The following RNF185 variants were observed in gnomAD, a reference collection of about 807,000 sequenced individuals.
RNF185 encodes the protein ring finger protein 185, also known as E3 ubiquitin-protein ligase RNF185.
In RNF185, 13 loss-of-function variants were observed where a neutral mutation model predicts 24.9. That is an observed-to-expected ratio of 0.52 (90% CI 0.34 to 0.83). The LOEUF (loss-of-function observed/expected upper bound fraction) is 0.83. Ranked by LOEUF, RNF185 falls within the 40% of genes least tolerant of loss-of-function variation. The pLI is 0.01. For synonymous variants in RNF185, 79 were observed against 90.3 expected, an observed-to-expected ratio of 0.88 and a Z score of 0.71; for missense variants, 184 against 244.7, an observed-to-expected ratio of 0.75 and a Z score of 1.65.
At chr22:31,185,411 G>C (rs2048089313) in intron 1 of RNF185, among the ~76,000 whole-genome samples, 1 of 152,124 alleles carries the variant, frequency 6.6e-6, no homozygotes, top group African/African-American at 2.4e-5. Flanking sequence ...CTGACATCAG[G>C]GTGACCTTCT....
intron 3 of RNF185, among the ~76,000 whole-genome samples, chr22:31,195,056 G>A (rs1305496250): frequency 7.2e-5 from 11 of 152,002 alleles, no homozygotes; most frequent in East Asian, 3.9e-4. Flanking sequence ...GGGTTCAAGC[G>A]ATTCTCCTCC....
At chr22:31,179,819 G>A (rs1020947476) in intron 1 of RNF185, among the ~76,000 whole-genome samples, 6 of 152,178 alleles carry the variant, frequency 3.9e-5, no homozygotes, top group Admixed American at 6.5e-5. Context: ...TTGGGTCCAC[G>A]AAGTGGGGTG....
At chr22:31,164,971 C>T (rs147131606) in intron 1 of RNF185, among the ~76,000 whole-genome samples, 5 of 151,694 alleles carry the variant, frequency 3.3e-5, no homozygotes, top group Non-Finnish European at 5.9e-5. Flanking sequence ...AGTGCAGTGG[C>T]GCAATCTTGG....
intron 1 of RNF185, among the ~76,000 whole-genome samples, chr22:31,168,863 G>A (rs1924100788): frequency 6.6e-6 from 1 of 152,080 alleles, no homozygotes; most frequent in African/African-American, 2.4e-5. Flanking sequence ...CTTCTTTGAA[G>A]AAATGTCTCT....
chr22:31,174,379 A>AT (rs11293209), intron 1 of RNF185, among the ~76,000 whole-genome samples: 1 of 150,382 alleles, frequency 6.6e-6, no homozygotes, highest in African/African-American at 2.5e-5. Context: ...TTTAAAAAAA[A>AT]TTTTTTTTTT....
intron 1 of RNF185, among the ~76,000 whole-genome samples, chr22:31,162,369 T>C (rs1411558843): frequency 6.6e-6 from 1 of 152,232 alleles, no homozygotes; most frequent in Non-Finnish European, 1.5e-5. Flanking sequence ...AAGTTTCCTT[T>C]TAAAGAAGTG....
At chr22:31,198,704 CTTTTTTTTT>C (rs1196076379) in intron 5 of RNF185, among the ~76,000 whole-genome samples, 8 of 69,678 alleles carry the variant, frequency 1.1e-4, no homozygotes, top group South Asian at 5.6e-4. Flanking sequence ...CTGCCACTTT[CTTTTTTTTT>C]TTTTTTTTTT....
chr22:31,161,876 C>CTT lies in RNF185; in HGVS notation c.-49+1590_-49+1591dup, dbSNP rs35063806. Among the ~76,000 whole-genome samples, 370 of 127,780 alleles carry CTT rather than the reference C, an allele frequency of 2.9e-3. 3 individuals are homozygous for CTT. Among genetic ancestry groups the CTT allele is most frequent in the Middle Eastern group, 4.3e-3 (1 of 232 alleles). The allele number at this position is 127,780 out of a possible 152,430, so 83.8% of individuals were successfully genotyped here. On this transcript the variant is annotated intron_variant, in intron 1 of 6. Transcript: ENST00000326132. ...AGTTCACACACATGACAAGTTCCAG[C>CTT]TTTTTTTTTTTTTTTTTTGAGTATT...
chr22:31,197,985 A>G (rs1277719570), intron 5 of RNF185, among the ~76,000 whole-genome samples: 1 of 152,170 alleles, frequency 6.6e-6, no homozygotes, highest in African/African-American at 2.4e-5. Flanking sequence ...TTTTTTGCAT[A>G]TTTACATCAA....
intron 1 of RNF185, among the ~76,000 whole-genome samples, chr22:31,168,379 T>G (rs1489305482): frequency 2.0e-5 from 3 of 152,346 alleles, no homozygotes; most frequent in Non-Finnish European, 2.9e-5. Flanking sequence ...TGAGGTTCAT[T>G]TATGTTGTAG....
At chr22:31,167,511 A>G (rs1272264117) in intron 1 of RNF185, among the ~76,000 whole-genome samples, 1 of 151,334 alleles carries the variant, frequency 6.6e-6, no homozygotes, top group Non-Finnish European at 1.5e-5. Flanking sequence ...TCCACTTTCT[A>G]TCTGTATGAA....
chr22:31,190,338 G>GT, intron 2 of RNF185, among the ~76,000 whole-genome samples: 1 of 152,126 alleles, frequency 6.6e-6, no homozygotes, highest in Non-Finnish European at 1.5e-5. Flanking sequence ...CCAGGCTGGA[G>GT]TGCAGTGGCG....
intron 1 of RNF185, among the ~76,000 whole-genome samples, chr22:31,176,014 T>G (rs1426556232): frequency 6.6e-6 from 1 of 152,130 alleles, no homozygotes; most frequent in East Asian, 1.9e-4. Flanking sequence ...CCTCCCATCT[T>G]GGCCTCCCAA....
intron 5 of RNF185, among the ~76,000 whole-genome samples, chr22:31,200,709 G>A (rs574443825): frequency 1.1e-4 from 17 of 152,336 alleles, no homozygotes; most frequent in African/African-American, 4.1e-4. Flanking sequence ...AGGTAAAGTG[G>A]AGTGGCTGCG....
chr22:31,163,242 A>C (rs969914382), intron 1 of RNF185, among the ~76,000 whole-genome samples: 1 of 152,196 alleles, frequency 6.6e-6, no homozygotes. Context: ...ATTACTTCCC[A>C]TAAAAACCAT....
rs972768546 is a variant in RNF185 at position 31,187,271 on chromosome 22, G to A, written c.176+1G>A. ...TCAGCCTGTGTGGCCACCTCTTCTG[G>A]TCAGTACCCCTACTTCCACCCCAGA... On this transcript the variant is annotated splice_donor_variant, in intron 2 of 6. Transcript: ENST00000326132. LOFTEE classifies it high-confidence loss of function. 38 of 1,613,724 alleles carry A rather than the reference G, an allele frequency of 2.4e-5. No homozygotes were observed. The highest frequency in any genetic ancestry group is 3.1e-5 in the Non-Finnish European group (37 of 1,179,842).
chr22:31,182,063 A>G (rs921319020), intron 1 of RNF185, among the ~76,000 whole-genome samples: 59 of 151,316 alleles, frequency 3.9e-4, no homozygotes, highest in African/African-American at 1.3e-3. Flanking sequence ...GTTTAAAAAA[A>G]AAAACACAAT....
chr22:31,204,441 A>C, intron 6 of RNF185, 48 bp from the exon 7 acceptor site: 1 of 1,197,762 alleles, frequency 8.3e-7, no homozygotes, highest in East Asian at 2.3e-5. Flanking sequence ...GGCAGTGTGC[A>C]TAGCTGCAGT....
At chr22:31,167,471 C>G (rs371904924) in intron 1 of RNF185, among the ~76,000 whole-genome samples, 3 of 152,086 alleles carry the variant, frequency 2.0e-5, no homozygotes, top group East Asian at 3.8e-4. Context: ...TCCTCATTCT[C>G]TCCTCCCCCC....
Sources: gnomAD v4.1 joint callset for allele counts (sites outside exome capture counted in the v4.1 genomes callset) on GRCh38, gnomAD v4.1.1 for gene constraint, MANE v1.5 for transcripts, NCBI Gene and HGNC (gene_info 2026-07-23, HGNC 2026-07-21) for gene names.